GNAL: variants seen among roughly 807,000 people sequenced by gnomAD.
GNAL encodes G protein subunit alpha L.
In GNAL, 18 loss-of-function variants were observed where a neutral mutation model predicts 55.1. The ratio of observed to expected loss-of-function variants is 0.33; its 90% confidence interval spans 0.23 to 0.48. GNAL has a LOEUF of 0.48. Among genes scored for constraint, GNAL ranks in the 20% least tolerant of loss-of-function variants. The pLI is 0.99. For synonymous variants in GNAL, 253 were observed against 237.0 expected (o/e 1.07, Z -0.62); for missense variants, 412 against 614.1 (o/e 0.67, Z 3.48).
chr18:11,807,408 T>C (rs1382759525), intron 4 of GNAL, among the ~76,000 whole-genome samples: 1 of 152,078 alleles, frequency 6.6e-6, no homozygotes, highest in African/African-American at 2.4e-5. Context: ...ATGGCTTCAG[T>C]CAGGAATTTA....
intron 7 of GNAL, among the ~76,000 whole-genome samples, chr18:11,864,986 G>A (rs1805330800): frequency 6.6e-6 from 1 of 152,096 alleles, no homozygotes; most frequent in Non-Finnish European, 1.5e-5. Context: ...TCAGCCAAAT[G>A]AGCTTACTTT....
rs771871836 is a variant in GNAL, at chr18:11,885,510, G to A, written c.*4375G>A. On this transcript the variant is annotated 3_prime_UTR_variant, in exon 12 of 12. Coordinates refer to ENST00000334049, the MANE Select transcript of GNAL (RefSeq NM_182978.4). The stretch of plus-strand genomic sequence containing the variant: ...AGGAATGTCATGCTGATTGGTTCCC[G>A]GAAGGGTGTTTGGCAAGGGGCAGTG... The A allele has an allele frequency of 1.0e-5, 8 of 777,596 alleles. No homozygotes were observed. Among genetic ancestry groups the A allele is most frequent in the East Asian group, 2.8e-5 (1 of 36,070 alleles). 48.2% of individuals were successfully genotyped at this position (777,596 alleles called of 1,614,324 possible). A position where few individuals can be genotyped will look rare whatever the true frequency, so the allele number is the denominator to read the frequency against.
intron 5 of GNAL, among the ~76,000 whole-genome samples, chr18:11,846,783 TGGGGCCATCATAGCCC>T (rs1382234056): frequency 1.3e-5 from 2 of 152,080 alleles, no homozygotes; most frequent in African/African-American, 4.8e-5. Flanking sequence ...TGGAGTGCAG[TGGGGCCATCATAGCCC>T]ACTGCAACCT....
chr18:11,801,382 G>A (rs1404797578), intron 4 of GNAL, among the ~76,000 whole-genome samples: 1 of 152,124 alleles, frequency 6.6e-6, no homozygotes, highest in Non-Finnish European at 1.5e-5. Flanking sequence ...GAAACCCCAT[G>A]TTTCTACTAA....
At chr18:11,710,815 T>G (rs1430566308) in intron 1 of GNAL, among the ~76,000 whole-genome samples, 1 of 152,222 alleles carries the variant, frequency 6.6e-6, no homozygotes, top group Non-Finnish European at 1.5e-5. Context: ...CTCTTGCTGC[T>G]CAAAAAATTG....
rs1170338696 is a variant in GNAL at position 11,689,948 on chromosome 18, C to G, written c.376+9C>G. ...CCGGCTCCTGCTGCTCGGTAGGTCCCGGCCGCGAGGTCGGCTGACGCCCCG... is the reference window on the plus strand; with the variant it reads ...CCGGCTCCTGCTGCTCGGTAGGTCCGGGCCGCGAGGTCGGCTGACGCCCCG... On this transcript the variant is annotated intron_variant, in intron 1 of 11. Coordinates refer to ENST00000334049, the MANE Select transcript of GNAL (RefSeq NM_182978.4). 11 of 1,284,112 alleles carry G rather than the reference C, an allele frequency of 8.6e-6. No individual in the cohort carries two copies. The highest frequency in any genetic ancestry group is 6.3e-5 in the East Asian group (2 of 31,802). The allele number at this position is 1,284,112 out of a possible 1,614,324, so 79.5% of individuals were successfully genotyped here.
intron 5 of GNAL, 150 bp downstream of exon 5, chr18:11,825,165 G>A: frequency 1.7e-6 from 1 of 587,416 alleles, no homozygotes; most frequent in Non-Finnish European, 3.0e-6. Context: ...AATGAGACAT[G>A]TTTAGTAGAT....
chr18:11,750,858 C>G (rs963933893), intron 1 of GNAL, among the ~76,000 whole-genome samples: 6 of 152,024 alleles, frequency 3.9e-5, no homozygotes, highest in Admixed American at 3.9e-4. Context: ...TGAATGTGTT[C>G]GCTTGCTTGA....
chr18:11,731,346 C>G (rs1203934766), intron 1 of GNAL, among the ~76,000 whole-genome samples: 1 of 152,218 alleles, frequency 6.6e-6, no homozygotes, highest in East Asian at 1.9e-4. Context: ...CGGGGTTTCT[C>G]CATGTTGGCC....
At chr18:11,697,125 C>T (rs985006654) in intron 1 of GNAL, among the ~76,000 whole-genome samples, 1 of 152,246 alleles carries the variant, frequency 6.6e-6, no homozygotes, top group Admixed American at 6.5e-5. Flanking sequence ...GGGCAGCCAG[C>T]CCCAGGTGAA....
At chr18:11,862,303 C>G in intron 5 of GNAL, 92 bp from the exon 6 acceptor site, 1 of 919,608 alleles carries the variant, frequency 1.1e-6, no homozygotes, top group Non-Finnish European at 1.8e-6. Flanking sequence ...CCCATCCTTG[C>G]TGTACTTGGG....
intron 4 of GNAL, among the ~76,000 whole-genome samples, chr18:11,809,134 T>G (rs1359423627): frequency 6.6e-6 from 1 of 152,130 alleles, no homozygotes; most frequent in African/African-American, 2.4e-5. Flanking sequence ...GGCATGCACC[T>G]GCAATTCCAG....
chr18:11,752,648 G>A lies in GNAL; in HGVS notation c.377-205G>A, dbSNP rs1165963670. On this transcript the variant is annotated intron_variant, in intron 1 of 11. Transcript: ENST00000334049. The surrounding 1 kb of genome is among the most constrained non-coding windows in gnomAD (Gnocchi z 4.5). Reference sequence around the variant, plus strand: ...CACAGCCAGGAGCGGCGAGCGCCAGGCTGGGCGGGCAGGGCCGGGCGAGGG... The same window carrying A: ...CACAGCCAGGAGCGGCGAGCGCCAGACTGGGCGGGCAGGGCCGGGCGAGGG... 1 of 1,422,898 alleles carries A rather than the reference G, an allele frequency of 7.0e-7. No individual in the cohort carries two copies. Among genetic ancestry groups the A allele is most frequent in the African/African-American group, 1.5e-5 (1 of 65,888 alleles). 88.1% of individuals were successfully genotyped at this position (1,422,898 alleles called of 1,614,324 possible). A position where few individuals can be genotyped will look rare whatever the true frequency, so the allele number is the denominator to read the frequency against.
chr18:11,784,784 C>T (rs1022720180), intron 4 of GNAL, among the ~76,000 whole-genome samples: 5 of 152,244 alleles, frequency 3.3e-5, no homozygotes, highest in Admixed American at 2.6e-4. Context: ...AGTACCTGGT[C>T]TCTGAGCGTG....
At chr18:11,877,677 T>C (rs2036564543) in intron 11 of GNAL, among the ~76,000 whole-genome samples, 1 of 151,802 alleles carries the variant, frequency 6.6e-6, no homozygotes, top group Non-Finnish European at 1.5e-5. Context: ...GTGGACAAGA[T>C]CTTAGTCCAG....
In GNAL at chr18:11,703,795, G is replaced by GCGCACACACA. The variant is rs1311432181; in HGVS notation, c.376+13857_376+13858insGCACACACAC. 1.6e-3 allele frequency among the ~76,000 whole-genome samples: 224 copies of GCGCACACACA among 141,496 alleles called. 1 individual carries two copies. The highest frequency in any genetic ancestry group is 5.6e-3 in the African/African-American group (214 of 37,948). 92.8% of individuals were successfully genotyped at this position (141,496 alleles called of 152,430 possible). On this transcript the variant is annotated intron_variant, in intron 1 of 11. Coordinates refer to ENST00000334049, the MANE Select transcript of GNAL (RefSeq NM_182978.4). ...GGGATAGGAGGCCCAGTGTTGATGGGCACACACACACACACACACACACAC... is the reference window on the plus strand; with the variant it reads ...GGGATAGGAGGCCCAGTGTTGATGGGCGCACACACACACACACACACACACACACACACAC...
chr18:11,778,539 C>T (rs982041436), intron 4 of GNAL, among the ~76,000 whole-genome samples: 6 of 152,106 alleles, frequency 3.9e-5, no homozygotes, highest in African/African-American at 1.4e-4. Flanking sequence ...GTATTAGTGA[C>T]GAAACCTTGG....
In GNAL at chr18:11,845,770, AGAGAGAGAG is replaced by A. The variant is rs1283161042; in HGVS notation, c.723-16624_723-16616del. ...GAGAGAGGGAAGGAAGGAAGAGAAA[AGAGAGAGAG>A]AGAGAGAGAAAGAGAGAGGGAGGGA... On this transcript the variant is annotated intron_variant, in intron 5 of 11. Transcript: ENST00000334049. Among the ~76,000 whole-genome samples the A allele has an allele frequency of 6.6e-5, 8 of 120,940 alleles. No homozygotes were observed. In the East Asian group the frequency reaches 3.9e-3, roughly 59 times the overall value. The allele number at this position is 120,940 out of a possible 152,430, so 79.3% of individuals were successfully genotyped here. A position where few individuals can be genotyped will look rare whatever the true frequency, so the allele number is the denominator to read the frequency against.
At chr18:11,828,240 A>G (rs1309867546) in intron 5 of GNAL, among the ~76,000 whole-genome samples, 1 of 151,998 alleles carries the variant, frequency 6.6e-6, no homozygotes, top group African/African-American at 2.4e-5. Flanking sequence ...TTAAGCAGTC[A>G]TTTAAGGCAC....
Sources: allele counts gnomAD v4.1 joint callset (sites outside exome capture counted in the v4.1 genomes callset), GRCh38; gene constraint gnomAD v4.1.1; non-coding constraint Gnocchi (gnomAD v3.1); transcripts MANE v1.5; gene names NCBI Gene and HGNC (gene_info 2026-07-23, HGNC 2026-07-21).